The following FBLN1 variants were observed in gnomAD, a reference collection of about 807,000 sequenced individuals.
FBLN1 encodes fibulin 1.
A neutral mutation model predicts 89.7 loss-of-function variants in FBLN1; 34 were observed. The ratio of observed to expected loss-of-function variants is 0.38; its 90% CI spans 0.29 to 0.50. The LOEUF is 0.50. Among genes scored for constraint, FBLN1 ranks in the 20% least tolerant of loss-of-function variants. The probability of loss-of-function intolerance (pLI) is 0.92; values close to 1 mark genes in which losing one functional copy is unlikely to be tolerated. For missense variants in FBLN1, 777 were observed against 988.1 expected, an observed-to-expected ratio of 0.79 and a Z score of 2.86; for synonymous variants, 393 against 391.3, an observed-to-expected ratio of 1.00 and a Z score of -0.05.
intron 16 of FBLN1, among the ~76,000 whole-genome samples, chr22:45,598,724 C>T (rs189426826): frequency 6.6e-6 from 1 of 152,228 alleles, no homozygotes; most frequent in African/African-American, 2.4e-5. Flanking sequence ...GTCCCAGCAC[C>T]TGTTTAGCAC....
rs1160585742 is a variant in FBLN1, at chr22:45,576,697, A to AC, written c.1841-278dup. ...TATGCACAGTGACTGATGACTTCTC[A>AC]CCAGCCCTTCCTCTGATTAGCTCTG... is the stretch of plus-strand genomic sequence containing the variant. On this transcript the variant is annotated intron_variant, in intron 15 of 16. Transcript: ENST00000327858. The surrounding 1 kb of genome is among the most constrained non-coding windows in gnomAD (Gnocchi z 5.2). 6.6e-6 allele frequency among the ~76,000 whole-genome samples: 1 copy of AC among 152,038 alleles called. No individual in the cohort carries two copies. The highest frequency in any genetic ancestry group is 1.5e-5 in the Non-Finnish European group (1 of 68,018).
Position 45,563,181 on chromosome 22 carries a change from T to C in FBLN1, c.1698-11330T>C. 6.2e-7 allele frequency: 1 copy of C among 1,613,822 alleles called. No homozygotes were observed. Among genetic ancestry groups the C allele is most frequent in the South Asian group, 1.1e-5 (1 of 91,084 alleles). ...GTCCCCGAGCCCAGGGACTTGCTCC[T>C]GACCGTCAAGATGGATCTCTCTCGC... is the stretch of plus-strand genomic sequence containing the variant. On this transcript the variant is annotated intron_variant, in intron 14 of 16. Coordinates refer to ENST00000327858, the MANE Select transcript of FBLN1 (RefSeq NM_006486.3). This position sits in a 1 kb window ranked among gnomAD's most constrained non-coding sequence, Gnocchi z 5.7.
At chr22:45,506,567 TAAG>T (rs1270501959) in intron 1 of FBLN1, among the ~76,000 whole-genome samples, 1 of 152,068 alleles carries the variant, frequency 6.6e-6, no homozygotes, top group Non-Finnish European at 1.5e-5. Flanking sequence ...ACTGGGAACC[TAAG>T]GAGGAAAAGG....
intron 1 of FBLN1, among the ~76,000 whole-genome samples, chr22:45,509,949 A>C (rs2088076295): frequency 6.6e-6 from 1 of 152,056 alleles, no homozygotes; most frequent in Admixed American, 6.6e-5. Flanking sequence ...ATGAAGCCTC[A>C]AGCTCCCATT....
intron 2 of FBLN1, 26 bp from the exon 3 acceptor site, chr22:45,525,517 T>C (rs1244397149): frequency 1.0e-5 from 16 of 1,548,438 alleles, no homozygotes; most frequent in East Asian, 7.3e-5. Flanking sequence ...CACAGAGCCT[T>C]GGCCCAGCCC....
chr22:45,555,920 TAAAAG>T (rs1320411080), intron 14 of FBLN1, among the ~76,000 whole-genome samples: 3 of 152,206 alleles, frequency 2.0e-5, no homozygotes, highest in East Asian at 3.8e-4. Flanking sequence ...TGTCACTTGA[TAAAAG>T]AGAAAGGAAA....
chr22:45,595,892 CAG>C (rs1341779963), intron 16 of FBLN1, among the ~76,000 whole-genome samples: 3 of 61,066 alleles, frequency 4.9e-5, no homozygotes, highest in Non-Finnish European at 8.8e-5. Context: ...TTTTTTGAGA[CAG>C]AGTCTTGCTC....
At chr22:45,541,834 C>T (rs1287296827) in intron 9 of FBLN1, among the ~76,000 whole-genome samples, 3 of 152,262 alleles carry the variant, frequency 2.0e-5, no homozygotes, top group Admixed American at 2.0e-4. Context: ...CCAGGGCACC[C>T]AGCCTGCCTA....
chr22:45,564,622 C>T (rs548663872), intron 14 of FBLN1, among the ~76,000 whole-genome samples: 1 of 152,342 alleles, frequency 6.6e-6, no homozygotes, highest in South Asian at 2.1e-4. Flanking sequence ...TCTCATGACC[C>T]CTTTCCTTCA....
rs910782526 is a variant in FBLN1 at position 45,532,676 on chromosome 22, C to A, written c.545-387C>A. On this transcript the variant is annotated intron_variant, in intron 5 of 16. Coordinates refer to ENST00000327858, the MANE Select transcript of FBLN1 (RefSeq NM_006486.3). This position sits in a 1 kb window ranked among gnomAD's most constrained non-coding sequence, Gnocchi z 4.2. ...GTGGGCTTGGAGCAGTGGGACAGCT[C>A]GAGAGTTCAGTGAGGAGCAGGTACA... Among the ~76,000 whole-genome samples the A allele has an allele frequency of 6.6e-6, 1 of 152,008 alleles. No homozygotes were observed. The highest frequency in any genetic ancestry group is 2.4e-5 in the African/African-American group (1 of 41,374).
intron 14 of FBLN1, among the ~76,000 whole-genome samples, chr22:45,567,340 G>A (rs1303541730): frequency 6.6e-6 from 1 of 152,258 alleles, no homozygotes; most frequent in Non-Finnish European, 1.5e-5. Flanking sequence ...AATGGGCCAG[G>A]TGCGGTGGCT....
rs551368036 is a variant in FBLN1 at position 45,574,842 on chromosome 22, T to C, written c.1840+189T>C. Among the ~76,000 whole-genome samples the C allele has an allele frequency of 4.9e-5, 7 of 144,064 alleles. No individual in the cohort carries two copies. Among genetic ancestry groups the C allele is most frequent in the East Asian group, 4.2e-4 (2 of 4,762 alleles). The allele number at this position is 144,064 out of a possible 152,430, so 94.5% of individuals were successfully genotyped here. A position where few individuals can be genotyped will look rare whatever the true frequency, so the allele number is the denominator to read the frequency against. ...TGTCGCCCGGGCTGGAGTGCAGTGG[T>C]GCCATCTCGGCTCACTGCAAGCTCC... On this transcript the variant is annotated intron_variant, in intron 15 of 16. Transcript: ENST00000327858. The surrounding 1 kb of genome is among the most constrained non-coding windows in gnomAD (Gnocchi z 4.1).
chr22:45,533,844 C>A lies in FBLN1; in HGVS notation c.730C>A (p.Arg244=), dbSNP rs549459139. ...CACAGTGGGCTCTTTCCGCTGCCAG[C>A]GGGACAGCAGCTGCGGGACTGGCTA... ...INTVGSFRCQ[R]DSSCGTGYEL... is the part of the protein sequence containing the mutation. Residue 244 remains arginine, a synonymous_variant, in exon 7 of 17, where the codon CGG becomes AGG. Coordinates refer to ENST00000327858, the MANE Select transcript of FBLN1 (RefSeq NM_006486.3). 1 of 1,614,038 alleles carries A rather than the reference C, an allele frequency of 6.2e-7. No individual in the cohort carries two copies. The highest frequency in any genetic ancestry group is 8.5e-7 in the Non-Finnish European group (1 of 1,180,022).
At chr22:45,505,164 C>T (rs892366457) in intron 1 of FBLN1, among the ~76,000 whole-genome samples, 1 of 152,216 alleles carries the variant, frequency 6.6e-6, no homozygotes, top group Admixed American at 6.5e-5. Context: ...CTGTCCGTCC[C>T]GTTGGGCTTT....
chr22:45,540,699 C>G (rs899781747), intron 8 of FBLN1, among the ~76,000 whole-genome samples: 14 of 152,226 alleles, frequency 9.2e-5, no homozygotes, highest in Admixed American at 2.6e-4. Context: ...CATTGTATGT[C>G]ATCAAAGGTA....
chr22:45,557,854 G>A lies in FBLN1; in HGVS notation c.1697+7239G>A, dbSNP rs5764784. On this transcript the variant is annotated intron_variant, in intron 14 of 16. Transcript: ENST00000327858. This position sits in a 1 kb window ranked among gnomAD's most constrained non-coding sequence, Gnocchi z 4.9. ...TTGGCCACAGCCCATGAATCAGTAT[G>A]TAATCGCACATCTGGTCATTTCTCC... 0.66 allele frequency among the ~76,000 whole-genome samples: 100,174 copies of A among 152,118 alleles called. 33,787 individuals carry two copies. The highest frequency in any genetic ancestry group is 0.82 in the African/African-American group (33,827 of 41,484).
In FBLN1 at chr22:45,563,480, C is replaced by A. The variant is rs2088874476; in HGVS notation, c.1698-11031C>A. On this transcript the variant is annotated intron_variant, in intron 14 of 16. Transcript: ENST00000327858. This position sits in a 1 kb window ranked among gnomAD's most constrained non-coding sequence, Gnocchi z 5.7. ...CCCGAGGGCTGACTGAGGAGCGCTC[C>A]CCACTAGAGGGTGTGTGCTCGGGGG... 1.0e-6 allele frequency: 1 copy of A among 1,003,138 alleles called. No homozygotes were observed. The highest frequency in any genetic ancestry group is 1.6e-5 in the African/African-American group (1 of 61,712). 62.1% of individuals were successfully genotyped at this position (1,003,138 alleles called of 1,614,324 possible). A position where few individuals can be genotyped will look rare whatever the true frequency, so the allele number is the denominator to read the frequency against.
chr22:45,542,200 A>G lies in FBLN1; in HGVS notation c.1112A>G (p.His371Arg), dbSNP rs1401880689. 6.2e-7 allele frequency: 1 copy of G among 1,614,074 alleles called. No homozygotes were observed. Residue 371 changes from histidine to arginine, a missense_variant, in exon 10 of 17, where the codon CAT becomes CGT. Transcript: ENST00000327858. ...CCTGCTGAGCCCTGTGGGAAGGGAC[A>G]TCGCTGCGTGAACTCTCCCGGCAGT... ...APPAEPCGKG[H>R]RCVNSPGSFR...
intron 14 of FBLN1, among the ~76,000 whole-genome samples, chr22:45,570,658 A>G (rs1048196884): frequency 1.3e-5 from 2 of 152,346 alleles, no homozygotes; most frequent in East Asian, 3.9e-4. Flanking sequence ...CTCCCTGCAG[A>G]AGAAGCCGAA....
Sources: gnomAD v4.1 joint callset for allele counts (sites outside exome capture counted in the v4.1 genomes callset) on GRCh38, gnomAD v4.1.1 for gene constraint, Gnocchi (gnomAD v3.1) non-coding constraint, MANE v1.5 for transcripts, NCBI Gene and HGNC (gene_info 2026-07-23, HGNC 2026-07-21) for gene names.